The following PER2 variants were observed in gnomAD, a reference collection of about 807,000 sequenced individuals.
PER2 encodes the protein period circadian protein homolog 2.
Under a neutral mutation model 121.0 loss-of-function variants are expected in PER2, and 66 were observed. The observed-to-expected ratio is 0.55, with a 90% CI of 0.45 to 0.67. The LOEUF (loss-of-function observed/expected upper bound fraction) is 0.67, where lower values mean the gene tolerates loss of function less well. Ranked by LOEUF, PER2 falls within the 30% of genes least tolerant of loss-of-function variation. The probability of loss-of-function intolerance (pLI) is 0.00; values close to 1 mark genes in which losing one functional copy is unlikely to be tolerated. For synonymous variants in PER2, 684 were observed against 659.9 expected (o/e 1.04, Z -0.56); for missense variants, 1,521 against 1,635.0 (o/e 0.93, Z 1.20).
chr2:238,287,210 G>A (rs1178470398), intron 1 of PER2, among the ~76,000 whole-genome samples: 1 of 152,202 alleles, frequency 6.6e-6, no homozygotes, highest in Non-Finnish European at 1.5e-5. Context: ...GACAGTGACA[G>A]ATAACTGCAA....
intron 18 of PER2, chr2:238,254,120 T>C: frequency 3.9e-6 from 1 of 254,174 alleles, no homozygotes; most frequent in Non-Finnish European, 7.6e-6. Flanking sequence ...TCCTCTATTT[T>C]TCAATTTATA....
chr2:238,278,803 C>T (rs1374098928), intron 1 of PER2, among the ~76,000 whole-genome samples: 1 of 152,102 alleles, frequency 6.6e-6, no homozygotes, highest in Non-Finnish European at 1.5e-5. Context: ...TCCCAGGCCC[C>T]ACAAGCATGT....
chr2:238,283,694 G>T (rs1696696943), intron 1 of PER2, among the ~76,000 whole-genome samples: 1 of 152,236 alleles, frequency 6.6e-6, no homozygotes, highest in African/African-American at 2.4e-5. Flanking sequence ...ACACTTCAAT[G>T]GAGTTGCAGG....
At chr2:238,290,878 A>G (rs1209555067), upstream of PER2, among the ~76,000 whole-genome samples, 1 of 152,208 alleles carries the variant, frequency 6.6e-6, no homozygotes, top group Non-Finnish European at 1.5e-5. Flanking sequence ...AGAAGCCTCC[A>G]TCCCAGCTCC....
chr2:238,277,315 T>G (rs1303630709), intron 2 of PER2, 122 bp from the exon 3 acceptor site: 1 of 784,504 alleles, frequency 1.3e-6, no homozygotes, highest in Non-Finnish European at 2.3e-6. Context: ...TTTTTAAAAA[T>G]ACAAGGTTAA....
intron 10 of PER2, 117 bp from the exon 11 acceptor site, chr2:238,262,461 A>AAC: frequency 1.0e-6 from 1 of 955,334 alleles, no homozygotes; most frequent in South Asian, 1.4e-5. Flanking sequence ...TAGGGGTATG[A>AAC]ACACTTCTTC....
intron 20 of PER2, among the ~76,000 whole-genome samples, 159 bp downstream of exon 20, chr2:238,251,440 G>C (rs768636024): frequency 6.6e-6 from 1 of 152,252 alleles, no homozygotes; most frequent in Admixed American, 6.5e-5. Flanking sequence ...ATGCTGAACA[G>C]GGAGAGTGTG....
At chr2:238,251,952 A>G (rs1296664512) in intron 19 of PER2, among the ~76,000 whole-genome samples, 191 bp from the exon 20 acceptor site, 2 of 152,204 alleles carry the variant, frequency 1.3e-5, no homozygotes, top group East Asian at 3.9e-4. Flanking sequence ...TGCAAATTCC[A>G]CTGATGCTCT....
intron 8 of PER2, 143 bp downstream of exon 8, chr2:238,267,913 A>T (rs748096893): frequency 4.7e-5 from 40 of 859,546 alleles, no homozygotes; most frequent in Non-Finnish European, 7.0e-5. Context: ...AAAGATGGAG[A>T]CCCTGCCCAA....
upstream of PER2, among the ~76,000 whole-genome samples, chr2:238,293,900 G>A (rs1187442081): frequency 6.6e-6 from 1 of 152,122 alleles, no homozygotes; most frequent in Non-Finnish European, 1.5e-5. Context: ...AGGAACTTGT[G>A]GACTAATCTG....
rs1695394089 is a variant in PER2, at chr2:238,244,537, T to G, written c.*1838A>C. On this transcript the variant is annotated 3_prime_UTR_variant, in exon 23 of 23. Transcript: ENST00000254657. ...AACACCTATCCCTTCATGATCTGAC[T>G]TTAGAGGCAAGGAGTTTGTAACATC... 1 of 152,262 alleles carries G rather than the reference T, an allele frequency of 6.6e-6. No individual in the cohort carries two copies. The highest frequency in any genetic ancestry group is 1.9e-4 in the East Asian group (1 of 5,202). The allele number at this position is 152,262 out of a possible 1,614,324, so 9.4% of individuals were successfully genotyped here. A position where few individuals can be genotyped will look rare whatever the true frequency, so the allele number is the denominator to read the frequency against.
intron 21 of PER2, among the ~76,000 whole-genome samples, chr2:238,249,506 C>T (rs532494658): frequency 2.0e-5 from 3 of 152,340 alleles, no homozygotes; most frequent in Admixed American, 6.5e-5. Context: ...AGGCATGGTT[C>T]ATCTGGGAGA....
chr2:238,275,999 T>C (rs1280321887), intron 3 of PER2, 102 bp from the exon 4 acceptor site: 1 of 1,056,702 alleles, frequency 9.5e-7, no homozygotes, highest in African/African-American at 1.6e-5. Context: ...GCTCTAGAGA[T>C]GTTCTGGTCT....
chr2:238,260,155 A>G (rs1293737050), intron 13 of PER2, 102 bp from the exon 14 acceptor site: 5 of 663,930 alleles, frequency 7.5e-6, no homozygotes, highest in Admixed American at 2.5e-5. Flanking sequence ...TTTCAGCAAC[A>G]CAGAAGGAAA....
intron 1 of PER2, among the ~76,000 whole-genome samples, chr2:238,279,816 G>A (rs1642593553): frequency 6.6e-6 from 1 of 152,180 alleles, no homozygotes; most frequent in African/African-American, 2.4e-5. Context: ...CCAATCATTT[G>A]CCACAAAGTG....
chr2:238,257,459 C>T (rs1357060769), intron 16 of PER2, among the ~76,000 whole-genome samples: 4 of 152,110 alleles, frequency 2.6e-5, no homozygotes, highest in Non-Finnish European at 5.9e-5. Flanking sequence ...AACCATAATC[C>T]GGGATACCCT....
In PER2 at chr2:238,273,200, G is replaced by C; in HGVS notation, c.449-9C>G. 1 of 1,611,502 alleles carries C rather than the reference G, an allele frequency of 6.2e-7. No homozygotes were observed. Among genetic ancestry groups the C allele is most frequent in the East Asian group, 2.2e-5 (1 of 44,858 alleles). ...GTAATACTCTTCATTGGCTGCAGGA[G>C]AGACAGTGTTCACTCAGTGGGCAGA... On this transcript the variant is annotated splice_polypyrimidine_tract_variant and intron_variant, in intron 4 of 22. Transcript: ENST00000254657.
chr2:238,267,001 T>C (rs896938031), intron 8 of PER2, among the ~76,000 whole-genome samples: 2 of 138,394 alleles, frequency 1.4e-5, no homozygotes, highest in African/African-American at 2.8e-5. Flanking sequence ...TGAGCCAAGA[T>C]AGCACCACTG....
rs1346498676 is a variant in PER2, at chr2:238,262,198, C to T, written c.1300G>A (p.Val434Ile). ...KISFIIGRHKVRVGPLNEDVF... is the reference protein window; with the variant it reads ...KISFIIGRHKIRVGPLNEDVF... ...GGCCCTTGGAGCACTCACACCCTGA[C>T]TTTGTGCCTCCCAATGATGAAGGAG... Residue 434 changes from valine to isoleucine, a missense_variant, in exon 11 of 23, where the codon GTC (valine) becomes ATC (isoleucine). Transcript: ENST00000254657. 2.5e-6 allele frequency: 4 copies of T among 1,613,794 alleles called. No homozygotes were observed. The highest frequency in any genetic ancestry group is 2.7e-5 in the African/African-American group (2 of 75,026).
Sources: gnomAD v4.1 joint callset for allele counts (sites outside exome capture counted in the v4.1 genomes callset) on GRCh38, gnomAD v4.1.1 for gene constraint, MANE v1.5 for transcripts, NCBI Gene and HGNC (gene_info 2026-07-23, HGNC 2026-07-21) for gene names.